Variants in CDH23 observed in about 807,000 individuals in gnomAD.
CDH23 encodes the protein cadherin related 23, also known as cadherin-23.
In CDH23, 189 loss-of-function variants were observed where a neutral mutation model predicts 317.1. The ratio of observed to expected loss-of-function variants is 0.60; its 90% CI spans 0.53 to 0.67. The LOEUF (loss-of-function observed/expected upper bound fraction) is 0.67, where lower values mean the gene tolerates loss of function less well. Among genes scored for constraint, CDH23 ranks in the 30% least tolerant of loss-of-function variants. The pLI is 0.00. For synonymous variants in CDH23, 1,839 were observed against 1,876.8 expected (o/e 0.98, Z 0.52); for missense variants, 4,401 against 4,592.4 (o/e 0.96, Z 1.20).
chr10:71,761,769 C>A (rs748192850), intron 38 of CDH23: 7 of 1,614,160 alleles, frequency 4.3e-6, no homozygotes, highest in Non-Finnish European at 5.1e-6. Flanking sequence ...TGGCGCTGAG[C>A]CAGGTCGTGG....
At chr10:71,716,243 G>T in intron 28 of CDH23, 4 of 1,550,020 alleles carry the variant, frequency 2.6e-6, no homozygotes, top group Non-Finnish European at 3.5e-6. Context: ...GGGGTCAGTT[G>T]CCTCTGCAAG....
Position 71,793,228 on chromosome 10 carries a change from C to T in CDH23, c.6300C>T (p.Leu2100=). Residue 2100 remains leucine (L), a synonymous_variant, in exon 48 of 70, where the codon CTC becomes CTT. Coordinates refer to ENST00000224721, the MANE Select transcript of CDH23 (RefSeq NM_022124.6). ...CAGCCACAGATGAGGACAGTGGCCT[C>T]AATGGGGAGCTGGTCTACCGAATAG... ...QVTATDEDSG[L]NGELVYRIEA... 1 of 1,613,812 alleles carries T rather than the reference C, an allele frequency of 6.2e-7. No individual in the cohort carries two copies. Among genetic ancestry groups the T allele is most frequent in the Non-Finnish European group, 8.5e-7 (1 of 1,179,850 alleles).
intron 61 of CDH23, 76 bp downstream of exon 61, chr10:71,810,152 G>T: frequency 6.4e-7 from 1 of 1,555,916 alleles, no homozygotes. Context: ...GGAGAGACAG[G>T]GCATTGTGCA....
At chr10:71,807,492 CCT>C (rs752175843) in intron 58 of CDH23, 22 bp from the exon 59 acceptor site, 1 of 1,613,144 alleles carries the variant, frequency 6.2e-7, no homozygotes, top group South Asian at 1.1e-5. Context: ...GCCCCCTCAC[CCT>C]GTGCCATGAT....
At chr10:71,709,276 A>G in intron 27 of CDH23, 65 bp downstream of exon 27, 1 of 1,442,988 alleles carries the variant, frequency 6.9e-7, no homozygotes, top group Non-Finnish European at 9.7e-7. Flanking sequence ...GGTGCCTCCC[A>G]GGAGCTGGCC....
intron 60 of CDH23, among the ~76,000 whole-genome samples, chr10:71,808,971 G>C (rs997258737): frequency 6.6e-6 from 1 of 152,056 alleles, no homozygotes; most frequent in Non-Finnish European, 1.5e-5. Flanking sequence ...TACACAAGCA[G>C]ACACCATCCC....
chr10:71,639,717 T>TAAGGTGTG (rs143864279), intron 11 of CDH23, among the ~76,000 whole-genome samples: 1 of 152,242 alleles, frequency 6.6e-6, no homozygotes, highest in Non-Finnish European at 1.5e-5. Context: ...GGATTCTGGT[T>TAAGGTGTG]AAGGTGTGTG....
At chr10:71,785,806 C>A in intron 44 of CDH23, 68 bp downstream of exon 44, 1 of 952,560 alleles carries the variant, frequency 1.0e-6, no homozygotes, top group South Asian at 1.4e-5. Flanking sequence ...AACACATCAC[C>A]CCTCCTGCAG....
intron 6 of CDH23, among the ~76,000 whole-genome samples, chr10:71,529,941 C>T (rs1855264355): frequency 6.6e-6 from 1 of 151,976 alleles, no homozygotes. Context: ...ACCCACCCAC[C>T]CCAGCCTGCA....
In CDH23 at chr10:71,690,539, T is replaced by G; in HGVS notation, c.2131T>G (p.Tyr711Asp). ...GGAGTACGGCCAGGAGTCCATCATC[T>G]ACTCCTTGGAAGGCTCCACCCAGTT... The part of the protein sequence containing the change: ...SREYGQESII[Y>D]SLEGSTQFRI... Residue 711 changes from tyrosine (Y) to aspartate (D), a missense_variant, in exon 20 of 70, where the codon TAC becomes GAC. Physicochemically the swap from Tyr to Asp is radical, Grantham distance 160 (BLOSUM62 -3). This residue lies in a region of CDH23 where 3,068 missense variants were observed against 3,203.3 expected (regional missense o/e 0.96). Coordinates refer to ENST00000224721, the MANE Select transcript of CDH23 (RefSeq NM_022124.6). 6 of 1,610,722 alleles carry G rather than the reference T, an allele frequency of 3.7e-6. No individual in the cohort carries two copies. The highest frequency in any genetic ancestry group is 5.1e-6 in the Non-Finnish European group (6 of 1,178,630).
rs572733927 is a variant in CDH23, at chr10:71,610,303, C to T, written c.833-5201C>T. On this transcript the variant is annotated intron_variant, in intron 9 of 69. Transcript: ENST00000224721. ...CAGGCATGAGCCACTGTGCCCAGCC[C>T]TAGGACTCCCTCTTGAGGAAGAAGC... Among the ~76,000 whole-genome samples the T allele has an allele frequency of 7.7e-4, 117 of 152,254 alleles. 1 individual carries two copies. The highest frequency in any genetic ancestry group is 3.4e-3 in the Middle Eastern group (1 of 294).
intron 9 of CDH23, among the ~76,000 whole-genome samples, chr10:71,606,416 G>A (rs546068133): frequency 2.2e-4 from 33 of 152,266 alleles, no homozygotes; most frequent in African/African-American, 5.5e-4. Flanking sequence ...ATCCCTCCTC[G>A]TGGGCCCTAG....
chr10:71,501,893 G>A (rs1338312591), intron 3 of CDH23, among the ~76,000 whole-genome samples: 1 of 152,178 alleles, frequency 6.6e-6, no homozygotes, highest in Non-Finnish European at 1.5e-5. Flanking sequence ...CAGGCTTGAT[G>A]GCCATGGTGG....
intron 9 of CDH23, among the ~76,000 whole-genome samples, chr10:71,607,302 G>A (rs1860589471): frequency 1.3e-5 from 2 of 152,216 alleles, no homozygotes; most frequent in African/African-American, 4.8e-5. Flanking sequence ...CTCTGAATGG[G>A]ACATGAACTC....
Position 71,764,769 on chromosome 10 carries a change from G to A in CDH23, c.4846-12911G>A, listed in dbSNP as rs77880594. 2.6e-3 allele frequency among the ~76,000 whole-genome samples: 390 copies of A among 152,268 alleles called. 5 individuals carry two copies. The highest frequency in any genetic ancestry group is 9.2e-3 in the African/African-American group (383 of 41,530). On this transcript the variant is annotated intron_variant, in intron 38 of 69. Transcript: ENST00000224721. ...GTGATGAATGAGTGTGGCTTCTTGG[G>A]CTAGCTGGCATGGGACTCTACTGCC...
intron 38 of CDH23, chr10:71,760,603 G>T: frequency 2.3e-6 from 1 of 435,308 alleles, no homozygotes; most frequent in Non-Finnish European, 4.2e-6. Context: ...TGAGGCACTT[G>T]CCCTGGCCAA....
chr10:71,692,217 C>A (rs1463279473), intron 20 of CDH23, among the ~76,000 whole-genome samples: 1 of 152,216 alleles, frequency 6.6e-6, no homozygotes, highest in Non-Finnish European at 1.5e-5. Context: ...GCACGAACTT[C>A]TGACTCCAGA....
chr10:71,539,723 C>T (rs972949471), intron 6 of CDH23, among the ~76,000 whole-genome samples: 1 of 151,846 alleles, frequency 6.6e-6, no homozygotes, highest in Non-Finnish European at 1.5e-5. Context: ...TTTCCTCTCT[C>T]CCTTCTCTCC....
At chr10:71,668,687 G>A (rs770111857) in intron 14 of CDH23, among the ~76,000 whole-genome samples, 1 of 152,194 alleles carries the variant, frequency 6.6e-6, no homozygotes, top group Non-Finnish European at 1.5e-5. Context: ...TGCTCAAAAC[G>A]AAATGTCAGA....
Sources: allele counts gnomAD v4.1 joint callset (sites outside exome capture counted in the v4.1 genomes callset), GRCh38; gene constraint gnomAD v4.1.1; regional missense constraint gnomAD v4.1.1; transcripts MANE v1.5; gene names NCBI Gene and HGNC (gene_info 2026-07-23, HGNC 2026-07-21).